MYOM1: variants seen among roughly 807,000 people sequenced by gnomAD.
MYOM1 encodes the protein myomesin 1, also known as myomesin-1.
Under a neutral mutation model 205.3 loss-of-function variants are expected in MYOM1, and 164 were observed. The ratio of observed to expected loss-of-function variants is 0.80; its 90% CI spans 0.70 to 0.91. The LOEUF (loss-of-function observed/expected upper bound fraction) is 0.91. Among genes scored for constraint, MYOM1 ranks in the 40% least tolerant of loss-of-function variants. The probability of loss-of-function intolerance (pLI) is 0.00; values close to 1 mark genes in which losing one functional copy is unlikely to be tolerated. For missense variants in MYOM1, 2,011 were observed against 2,127.3 expected, an observed-to-expected ratio of 0.95 and a Z score of 1.08; for synonymous variants, 772 against 789.4, an observed-to-expected ratio of 0.98 and a Z score of 0.37.
intron 34 of MYOM1, among the ~76,000 whole-genome samples, chr18:3,077,126 C>CCT (rs1378224948): frequency 6.6e-6 from 1 of 151,856 alleles, no homozygotes; most frequent in African/African-American, 2.4e-5. Context: ...GATCCTCTTA[C>CCT]CTCTGCTTCT....
At chr18:3,224,153 C>G, upstream of MYOM1, among the ~76,000 whole-genome samples, 1 of 152,002 alleles carries the variant, frequency 6.6e-6, no homozygotes, top group Middle Eastern at 3.4e-3. Flanking sequence ...TTCAGCCTCC[C>G]GAGTAGCTGG....
At chr18:3,173,630 C>G (rs1050431638) in intron 8 of MYOM1, among the ~76,000 whole-genome samples, 2 of 148,144 alleles carry the variant, frequency 1.4e-5, no homozygotes, top group African/African-American at 2.5e-5. Flanking sequence ...TTGGTTAAGT[C>G]GTTCTGCCCA....
At chr18:3,244,733 C>CAAA in the MYOM1 span, among the ~76,000 whole-genome samples, 1 of 118,820 alleles carries the variant, frequency 8.4e-6, no homozygotes, top group Non-Finnish European at 1.8e-5. Context: ...TACTAAAATA[C>CAAA]AAAAAAAAAA....
the MYOM1 span, among the ~76,000 whole-genome samples, chr18:3,240,402 G>T: frequency 6.6e-6 from 1 of 152,168 alleles, no homozygotes; most frequent in Non-Finnish European, 1.5e-5. Context: ...TTCCCGTGCT[G>T]TTCTCATGAT....
At chr18:3,163,182 C>T (rs1169384960) in intron 10 of MYOM1, among the ~76,000 whole-genome samples, 5 of 152,138 alleles carry the variant, frequency 3.3e-5, no homozygotes, top group Admixed American at 3.3e-4. Flanking sequence ...GGCCAAGGGA[C>T]CTGAAATGAA....
At position 3,112,319 on chromosome 18, in the gene MYOM1, C is replaced by G. The variant is rs2079539107; in HGVS notation, c.3397G>C (p.Val1133Leu). ...CCACCTGGACGGGTCTCTGCCACAA[C>G]AGGGCCAGCAAGGTCAGATGGCTTC... Reference protein sequence around the residue: ...VGKPSDLAGPVVAETRPGTKE... With the variant: ...VGKPSDLAGPLVAETRPGTKE... The change falls in exon 22 of 38, where the codon GTT (valine) becomes CTT (leucine). Residue 1133 changes from valine to leucine, a missense_variant. Transcript: ENST00000356443. The G allele has an allele frequency of 6.2e-7, 1 of 1,613,096 alleles. No homozygotes were observed. Among genetic ancestry groups the G allele is most frequent in the Non-Finnish European group, 8.5e-7 (1 of 1,179,230 alleles).
upstream of MYOM1, among the ~76,000 whole-genome samples, chr18:3,222,421 T>C: frequency 6.6e-6 from 1 of 152,258 alleles, no homozygotes. Flanking sequence ...ACTGTATATT[T>C]GTTTGGAATA....
chr18:3,154,206 T>C (rs768669636), intron 11 of MYOM1, among the ~76,000 whole-genome samples: 12 of 151,886 alleles, frequency 7.9e-5, no homozygotes, highest in Middle Eastern at 3.4e-3. Flanking sequence ...CTCTATGAGG[T>C]CTACAAATTC....
chr18:3,138,578 C>T (rs996788079), intron 14 of MYOM1, among the ~76,000 whole-genome samples: 9 of 152,144 alleles, frequency 5.9e-5, no homozygotes, highest in African/African-American at 2.2e-4. Flanking sequence ...TGTCTGCTGT[C>T]TCCTGAGGGA....
Position 3,078,578 on chromosome 18 carries a change from T to C in MYOM1, c.4648+601A>G, listed in dbSNP as rs181675892. ...CTGAGTAGTAGGGATTATAGGCATA[T>C]GCTACCACACTTGGCTAATTTCTTA... On this transcript the variant is annotated intron_variant, in intron 34 of 37. Coordinates refer to ENST00000356443, the MANE Select transcript of MYOM1 (RefSeq NM_003803.4). Among the ~76,000 whole-genome samples, 405 of 152,220 alleles carry C rather than the reference T, an allele frequency of 2.7e-3. 5 individuals are homozygous for C. Among genetic ancestry groups the C allele is most frequent in the Admixed American group, 4.1e-3 (63 of 15,288 alleles).
chr18:3,227,647 C>T, the MYOM1 span, among the ~76,000 whole-genome samples: 22,190 of 151,822 alleles, frequency 0.15, 2,382 homozygotes, highest in African/African-American at 0.31. Context: ...TGAAACCCTG[C>T]TTTTACTAAA....
chr18:3,113,618 C>T (rs543471609), intron 21 of MYOM1, among the ~76,000 whole-genome samples: 12 of 152,284 alleles, frequency 7.9e-5, no homozygotes, highest in African/African-American at 2.9e-4. Flanking sequence ...CAGGAGTGAG[C>T]CACCATGCCT....
the MYOM1 span, among the ~76,000 whole-genome samples, chr18:3,234,473 T>C: frequency 6.6e-6 from 1 of 152,196 alleles, no homozygotes; most frequent in Non-Finnish European, 1.5e-5. Context: ...GGAATTAATT[T>C]TGTGACCCCC....
intron 8 of MYOM1, 87 bp from the exon 9 acceptor site, chr18:3,169,068 A>G: frequency 8.5e-7 from 1 of 1,171,926 alleles, no homozygotes; most frequent in Middle Eastern, 1.9e-4. Flanking sequence ...GAAAGCAGTC[A>G]CAGCAAAAAA....
intron 22 of MYOM1, among the ~76,000 whole-genome samples, chr18:3,108,562 G>A (rs550354076): frequency 1.8e-4 from 26 of 142,826 alleles, no homozygotes; most frequent in African/African-American, 6.2e-4. Flanking sequence ...TTTTTTTTTC[G>A]AGATGGAGTC....
At chr18:3,190,641 G>A (rs1379169942) in intron 3 of MYOM1, 1 of 152,176 alleles carries the variant, frequency 6.6e-6, no homozygotes, top group African/African-American at 2.4e-5. Flanking sequence ...TTTTAGCTTA[G>A]TGTCCTCACA....
chr18:3,174,291 A>G, intron 6 of MYOM1, 83 bp from the exon 7 acceptor site: 8 of 1,191,680 alleles, frequency 6.7e-6, no homozygotes, highest in Non-Finnish European at 9.8e-6. Flanking sequence ...ACTCTTTGCT[A>G]TCACAGCCCC....
upstream of MYOM1, among the ~76,000 whole-genome samples, chr18:3,222,296 G>C (rs2081335760): frequency 6.6e-6 from 1 of 152,152 alleles, no homozygotes; most frequent in African/African-American, 2.4e-5. Flanking sequence ...TATGTAGCTA[G>C]TTGTAATTCA....
rs549298337 is a variant in MYOM1 at position 3,183,811 on chromosome 18, A to G, written c.929+3669T>C. 2.6e-5 allele frequency among the ~76,000 whole-genome samples: 4 copies of G among 152,198 alleles called. No homozygotes were observed. In the South Asian group the frequency reaches 8.3e-4, roughly 32 times the overall value. On this transcript the variant is annotated intron_variant, in intron 5 of 37. Coordinates refer to ENST00000356443, the MANE Select transcript of MYOM1 (RefSeq NM_003803.4). ...GTTGTTGCTTGGGCTGCGGGTTCCC[A>G]GGTCTTCAAGGGAAAGGCTGCTTAT...
Sources: allele counts gnomAD v4.1 joint callset (sites outside exome capture counted in the v4.1 genomes callset), GRCh38; gene constraint gnomAD v4.1.1; transcripts MANE v1.5; gene names NCBI Gene and HGNC (gene_info 2026-07-23, HGNC 2026-07-21).